Variants in NBAS observed in about 807,000 individuals in gnomAD.
NBAS encodes NAG/BC035112 fusion.
NBAS carries 219 observed loss-of-function variants against 302.5 expected under a neutral mutation model. That is an observed-to-expected ratio of 0.72 (90% CI 0.65 to 0.81). The LOEUF (loss-of-function observed/expected upper bound fraction) is 0.81. Ranked by LOEUF, NBAS falls within the 30% of genes least tolerant of loss-of-function variation. The pLI, the probability that NBAS is intolerant of heterozygous loss-of-function variation, is 0.00. For synonymous variants in NBAS, 1,118 were observed against 1,021.6 expected (o/e 1.09, Z -1.80); for missense variants, 2,932 against 2,841.6 (o/e 1.03, Z -0.72).
chr2:15,530,485 T>C (rs1384378881), intron 9 of NBAS, among the ~76,000 whole-genome samples: 2 of 152,014 alleles, frequency 1.3e-5, no homozygotes, highest in Non-Finnish European at 2.9e-5. Flanking sequence ...CAAAATAAAA[T>C]CATATGTATC....
Position 15,369,950 on chromosome 2 carries a change from G to A in NBAS, c.3704-3257C>T, listed in dbSNP as rs115000466. 8.0e-3 allele frequency among the ~76,000 whole-genome samples: 1,221 copies of A among 152,316 alleles called. 14 individuals carry two copies. Among genetic ancestry groups the A allele is most frequent in the African/African-American group, 0.028 (1,155 of 41,560 alleles). ...TTGCAGTCACTTGGGAATGGCAACA[G>A]AGGCCCACAACATATGAAGTTGCTA... On this transcript the variant is annotated intron_variant, in intron 31 of 51. Coordinates refer to ENST00000281513, the MANE Select transcript of NBAS (RefSeq NM_015909.4).
At chr2:15,118,111 C>G in the NBAS span, among the ~76,000 whole-genome samples, 1 of 152,232 alleles carries the variant, frequency 6.6e-6, no homozygotes, top group Non-Finnish European at 1.5e-5. Context: ...CTCCTGCTCT[C>G]CAGCTATCCA....
chr2:15,200,626 A>G (rs916733491), intron 48 of NBAS, among the ~76,000 whole-genome samples: 2 of 152,216 alleles, frequency 1.3e-5, no homozygotes, highest in African/African-American at 2.4e-5. Context: ...ATAAAGAACA[A>G]AATTCAAATG....
At chr2:15,039,985 G>A in the NBAS span, among the ~76,000 whole-genome samples, 10 of 152,290 alleles carry the variant, frequency 6.6e-5, 1 homozygote, top group East Asian at 5.8e-4. Context: ...TCTTCAAGAC[G>A]GTGATCCATC....
At chr2:15,476,740 G>A (rs1445248870) in intron 13 of NBAS, among the ~76,000 whole-genome samples, 1 of 151,906 alleles carries the variant, frequency 6.6e-6, no homozygotes, top group Non-Finnish European at 1.5e-5. Context: ...AAAAGGAAAT[G>A]AATTATGGTT....
intron 10 of NBAS, 131 bp from the exon 11 acceptor site, chr2:15,504,344 A>T (rs143030012): frequency 1.3e-6 from 1 of 785,520 alleles, no homozygotes; most frequent in East Asian, 2.7e-5. Context: ...AATCACCAAG[A>T]AGGTGTCAAG....
the NBAS span, among the ~76,000 whole-genome samples, chr2:14,809,320 G>GA: frequency 8.5e-5 from 13 of 152,112 alleles, no homozygotes; most frequent in Non-Finnish European, 1.6e-4. Flanking sequence ...GACATAGAAG[G>GA]AAAAAATGGG....
the NBAS span, among the ~76,000 whole-genome samples, chr2:15,087,473 T>A: frequency 2.6e-5 from 4 of 152,220 alleles, no homozygotes; most frequent in Non-Finnish European, 5.9e-5. Context: ...CTGGTCAGAC[T>A]AATGACATTT....
intron 36 of NBAS, among the ~76,000 whole-genome samples, chr2:15,329,424 A>C (rs1042801854): frequency 1.4e-4 from 22 of 152,096 alleles, no homozygotes; most frequent in Non-Finnish European, 2.6e-4. Flanking sequence ...CCATGGTTCA[A>C]ACTACCCACT....
At chr2:14,988,264 G>C in the NBAS span, among the ~76,000 whole-genome samples, 6 of 152,102 alleles carry the variant, frequency 3.9e-5, no homozygotes, top group African/African-American at 1.4e-4. Flanking sequence ...ATGTCCATTT[G>C]TAAGAAAAGA....
At chr2:14,791,661 G>A in the NBAS span, among the ~76,000 whole-genome samples, 77 of 152,018 alleles carry the variant, frequency 5.1e-4, no homozygotes, top group African/African-American at 1.2e-3. Flanking sequence ...AAAACTAGCC[G>A]GGGATGGTGG....
At chr2:15,000,256 T>G in the NBAS span, among the ~76,000 whole-genome samples, 1 of 152,232 alleles carries the variant, frequency 6.6e-6, no homozygotes, top group Admixed American at 6.5e-5. Flanking sequence ...TATCTGAAAG[T>G]AAAGTGCTTA....
At chr2:15,169,373 G>T (rs1000686800) in intron 51 of NBAS, among the ~76,000 whole-genome samples, 4 of 152,152 alleles carry the variant, frequency 2.6e-5, no homozygotes, top group Non-Finnish European at 5.9e-5. Flanking sequence ...ACTTCTCCTC[G>T]CTGGGGCTGC....
chr2:15,192,256 C>T (rs1334429495), intron 48 of NBAS, among the ~76,000 whole-genome samples: 1 of 145,476 alleles, frequency 6.9e-6, no homozygotes. Flanking sequence ...TTTTTGTCCA[C>T]TGGTCTATCT....
the NBAS span, among the ~76,000 whole-genome samples, chr2:14,878,574 G>A: frequency 6.6e-6 from 1 of 152,190 alleles, no homozygotes; most frequent in Non-Finnish European, 1.5e-5. Flanking sequence ...CCACTCAGAA[G>A]CTGGGATCTG....
chr2:14,803,972 C>T, the NBAS span, among the ~76,000 whole-genome samples: 10 of 152,290 alleles, frequency 6.6e-5, no homozygotes, highest in East Asian at 1.9e-3. Context: ...TTAGTTGTTA[C>T]AGATAAGAAG....
At chr2:14,852,805 A>G in the NBAS span, among the ~76,000 whole-genome samples, 1 of 142,364 alleles carries the variant, frequency 7.0e-6, no homozygotes, top group African/African-American at 2.7e-5. Context: ...AAACCTGAGA[A>G]AAACAAGCAA....
chr2:14,821,458 T>C, the NBAS span, among the ~76,000 whole-genome samples: 3 of 152,200 alleles, frequency 2.0e-5, no homozygotes, highest in Admixed American at 6.5e-5. Flanking sequence ...TTTGGTGTTA[T>C]CACTCTTCTC....
At chr2:14,973,000 C>T in the NBAS span, among the ~76,000 whole-genome samples, 2 of 152,220 alleles carry the variant, frequency 1.3e-5, no homozygotes, top group Non-Finnish European at 2.9e-5. Context: ...AGCCCCTTCC[C>T]TGTGACACTG....
Sources: allele counts gnomAD v4.1 joint callset (sites outside exome capture counted in the v4.1 genomes callset), GRCh38; gene constraint gnomAD v4.1.1; transcripts MANE v1.5; gene names NCBI Gene and HGNC (gene_info 2026-07-23, HGNC 2026-07-21).